AKAP7: variants seen among roughly 807,000 people sequenced by gnomAD.
AKAP7 encodes the protein A kinase (PRKA) anchor protein 7.
A neutral mutation model predicts 39.5 loss-of-function variants in AKAP7; 39 were observed. The ratio of observed to expected loss-of-function variants is 0.99; its 90% CI spans 0.76 to 1.29. The LOEUF (loss-of-function observed/expected upper bound fraction) is 1.29, where lower values mean the gene tolerates loss of function less well. Ranked by LOEUF, AKAP7 falls within the 50% of genes most tolerant of loss-of-function variation. AKAP7 has a pLI of 0.00. For missense variants in AKAP7, 414 were observed against 407.7 expected (o/e 1.02, Z -0.13); for synonymous variants, 140 against 139.1 (o/e 1.01, Z -0.05).
At chr6:131,278,406 A>G (rs1215555231) in intron 7 of AKAP7, among the ~76,000 whole-genome samples, 1 of 152,236 alleles carries the variant, frequency 6.6e-6, no homozygotes, top group African/African-American at 2.4e-5. Flanking sequence ...GCCATGTACT[A>G]TACATGCAGT....
intron 7 of AKAP7, among the ~76,000 whole-genome samples, chr6:131,254,263 A>G (rs1309883044): frequency 2.0e-5 from 3 of 152,218 alleles, no homozygotes; most frequent in Non-Finnish European, 4.4e-5. Context: ...TTTAACAAAT[A>G]CTATAGGTAT....
At chr6:131,155,135 C>T (rs1274478318) in intron 2 of AKAP7, among the ~76,000 whole-genome samples, 1 of 152,066 alleles carries the variant, frequency 6.6e-6, no homozygotes, top group Non-Finnish European at 1.5e-5. Flanking sequence ...GATTCTTCCA[C>T]CTCAAGTAGC....
chr6:131,206,739 A>T (rs544369283), intron 6 of AKAP7, among the ~76,000 whole-genome samples: 1 of 152,060 alleles, frequency 6.6e-6, no homozygotes, highest in African/African-American at 2.4e-5. Context: ...ACTTCTATCT[A>T]TCTAGCTACC....
At chr6:131,194,428 T>C (rs935593071) in intron 5 of AKAP7, among the ~76,000 whole-genome samples, 16 of 152,154 alleles carry the variant, frequency 1.1e-4, no homozygotes, top group Non-Finnish European at 1.0e-4. Flanking sequence ...TTGAATGTTT[T>C]AAGACTTTTT....
At position 131,241,289 on chromosome 6, in the gene AKAP7, G is replaced by C. The variant is rs1811532152; in HGVS notation, c.850+21481G>C. 1.3e-5 allele frequency among the ~76,000 whole-genome samples: 2 copies of C among 152,112 alleles called. 1 individual carries two copies. Among genetic ancestry groups the C allele is most frequent in the South Asian group, 4.1e-4 (2 of 4,822 alleles). The stretch of plus-strand genomic sequence containing the variant: ...TTGGCATTTGCAGTGGATGGAGAAG[G>C]AGAAGGAGGAGGGGTGCATTGCAGA... On this transcript the variant is annotated intron_variant, in intron 7 of 7. Transcript: ENST00000431975.
intron 5 of AKAP7, among the ~76,000 whole-genome samples, chr6:131,172,147 T>C (rs1013719730): frequency 5.3e-5 from 8 of 152,148 alleles, no homozygotes; most frequent in African/African-American, 1.9e-4. Context: ...TAGGAGAAAC[T>C]TATAGCTTCA....
intron 3 of AKAP7, among the ~76,000 whole-genome samples, chr6:131,160,530 C>T (rs1569196): frequency 0.24 from 35,769 of 152,052 alleles, 5,312 homozygotes; most frequent in East Asian, 0.74. Context: ...CATATTTAAA[C>T]GGTAATTTTG....
chr6:131,139,445 C>G (rs9483224), intron 1 of AKAP7, among the ~76,000 whole-genome samples: 23,620 of 152,044 alleles, frequency 0.16, 2,196 homozygotes, highest in African/African-American at 0.25. Context: ...TGATGTTGAA[C>G]AAGTTATATT....
At chr6:131,152,045 T>C (rs1247618516) in intron 2 of AKAP7, among the ~76,000 whole-genome samples, 1 of 152,150 alleles carries the variant, frequency 6.6e-6, no homozygotes, top group Non-Finnish European at 1.5e-5. Flanking sequence ...GGTGCTTCAG[T>C]TAAAAAAACA....
At position 131,165,231 on chromosome 6, in the gene AKAP7, C is replaced by A; in HGVS notation, c.428+14C>A. 1 of 1,579,218 alleles carries A rather than the reference C, an allele frequency of 6.3e-7. No individual in the cohort carries two copies. Among genetic ancestry groups the A allele is most frequent in the Non-Finnish European group, 8.6e-7 (1 of 1,161,408 alleles). ...TGAAGTAAACATGTGAGTAATGTATCTTTCTTAAATATAATTTTCCAAATT... is the reference window on the plus strand; with the variant it reads ...TGAAGTAAACATGTGAGTAATGTATATTTCTTAAATATAATTTTCCAAATT... On this transcript the variant is annotated intron_variant, in intron 4 of 7. Transcript: ENST00000431975.
At chr6:131,179,577 A>C (rs1472246780) in intron 5 of AKAP7, among the ~76,000 whole-genome samples, 1 of 152,104 alleles carries the variant, frequency 6.6e-6, no homozygotes, top group African/African-American at 2.4e-5. Flanking sequence ...TACTGTCTAT[A>C]ATGTGTGACA....
At chr6:131,156,828 G>A (rs1195857649) in intron 2 of AKAP7, among the ~76,000 whole-genome samples, 1 of 150,932 alleles carries the variant, frequency 6.6e-6, no homozygotes, top group East Asian at 2.0e-4. Flanking sequence ...GCTGGAGTGT[G>A]CAGTGGTGCA....
chr6:131,242,498 A>G (rs1039486212), intron 7 of AKAP7, among the ~76,000 whole-genome samples: 1 of 149,588 alleles, frequency 6.7e-6, no homozygotes, highest in African/African-American at 2.4e-5. Flanking sequence ...TGCTATATAT[A>G]TAATTATATA....
rs531914141 is a variant in AKAP7 at position 131,272,040 on chromosome 6, G to GC, written c.851-9488dup. On this transcript the variant is annotated intron_variant, in intron 7 of 7. Transcript: ENST00000431975. ...AGCCCCGGGACTGGTGAACTTCCCT[G>GC]CCTTCCATAAGGCTTTGTTCAGTGA... is the stretch of plus-strand genomic sequence containing the variant. 2.1e-3 allele frequency among the ~76,000 whole-genome samples: 314 copies of GC among 152,220 alleles called. 1 individual carries two copies. The highest frequency in any genetic ancestry group is 7.3e-3 in the African/African-American group (302 of 41,530).
chr6:131,192,163 C>G (rs578247868), intron 5 of AKAP7, among the ~76,000 whole-genome samples: 37 of 152,154 alleles, frequency 2.4e-4, no homozygotes, highest in Middle Eastern at 3.4e-3. Flanking sequence ...AAATCTTTGC[C>G]CAGACCAATG....
chr6:131,198,891 C>G (rs904113478), intron 5 of AKAP7, among the ~76,000 whole-genome samples: 5 of 152,076 alleles, frequency 3.3e-5, no homozygotes, highest in African/African-American at 1.2e-4. Context: ...TTTCTTGGTA[C>G]AAGTCTTACT....
At chr6:131,193,144 T>C (rs1381784307) in intron 5 of AKAP7, among the ~76,000 whole-genome samples, 1 of 152,164 alleles carries the variant, frequency 6.6e-6, no homozygotes, top group Non-Finnish European at 1.5e-5. Context: ...GTGGGTATCC[T>C]TGTTATGTTC....
chr6:131,244,063 C>T (rs1313733017), intron 7 of AKAP7, among the ~76,000 whole-genome samples: 7 of 147,926 alleles, frequency 4.7e-5, no homozygotes, highest in Admixed American at 3.4e-4. Context: ...GAGGAAGTAA[C>T]TCATGTCAGT....
At chr6:131,263,870 G>A (rs879258273) in intron 7 of AKAP7, among the ~76,000 whole-genome samples, 1 of 152,166 alleles carries the variant, frequency 6.6e-6, no homozygotes, top group Non-Finnish European at 1.5e-5. Context: ...AGCTACTGTG[G>A]TGTGTGCTTT....
Sources: allele counts gnomAD v4.1 joint callset (sites outside exome capture counted in the v4.1 genomes callset), GRCh38; gene constraint gnomAD v4.1.1; transcripts MANE v1.5; gene names NCBI Gene and HGNC (gene_info 2026-07-23, HGNC 2026-07-21).